CSPG4: variants seen among roughly 807,000 people sequenced by gnomAD.
CSPG4 encodes the protein chondroitin sulfate proteoglycan 4.
CSPG4 carries 74 observed loss-of-function variants against 139.3 expected under a neutral mutation model. The observed-to-expected ratio is 0.53, with a 90% CI of 0.44 to 0.64. CSPG4 has a LOEUF of 0.64. Ranked by LOEUF, CSPG4 falls within the 30% of genes least tolerant of loss-of-function variation. The pLI is 0.00. For synonymous variants in CSPG4, 1,234 were observed against 1,394.2 expected (o/e 0.89, Z 2.56); for missense variants, 2,565 against 3,148.3 (o/e 0.81, Z 4.43).
chr15:75,675,578 G>A lies in CSPG4; in HGVS notation c.6941C>T (p.Ala2314Val), dbSNP rs749456642. The change falls in exon 10 of 10, where the codon GCC becomes GTC. Residue 2314 changes from alanine (A) to valine (V), a missense_variant. Physicochemically the swap from Ala to Val is moderately conservative, Grantham distance 64. Coordinates refer to ENST00000308508, the MANE Select transcript of CSPG4 (RefSeq NM_001897.5). ...LLQFCRTPNPALKNGQYWV is the reference protein window; with the variant it reads ...LLQFCRTPNPVLKNGQYWV Reference sequence around the variant, plus strand: ...CACCCAGTACTGGCCATTCTTAAGGGCAGGGTTGGGTGTCCGGCAGAACTG... The same window carrying A: ...CACCCAGTACTGGCCATTCTTAAGGACAGGGTTGGGTGTCCGGCAGAACTG... 1 of 1,510,352 alleles carries A rather than the reference G, an allele frequency of 6.6e-7. No individual in the cohort carries two copies. Among genetic ancestry groups the A allele is most frequent in the East Asian group, 2.3e-5 (1 of 43,728 alleles). The allele number at this position is 1,510,352 out of a possible 1,614,324, so 93.6% of individuals were successfully genotyped here.
intron 1 of CSPG4, among the ~76,000 whole-genome samples, chr15:75,697,640 G>A (rs1183566022): frequency 6.6e-6 from 1 of 152,230 alleles, no homozygotes; most frequent in Non-Finnish European, 1.5e-5. Flanking sequence ...CCACAGCCAG[G>A]CTGCGTCATG....
Position 75,675,471 on chromosome 15 carries a change from C to T in CSPG4, c.*79G>A. The T allele has an allele frequency of 2.2e-6, 3 of 1,381,482 alleles. No homozygotes were observed. The highest frequency in any genetic ancestry group is 2.8e-6 in the Non-Finnish European group (3 of 1,058,220). 85.6% of individuals were successfully genotyped at this position (1,381,482 alleles called of 1,614,324 possible). On this transcript the variant is annotated 3_prime_UTR_variant, in exon 10 of 10. Transcript: ENST00000308508. ...TTGCTCTGGGGATACTCAGACAGCA[C>T]CAGGCATGGAAGCAATGGGGCCCGG...
In CSPG4 at chr15:75,698,425, C is replaced by T. The variant is rs1463324963; in HGVS notation, c.89-5192G>A. On this transcript the variant is annotated intron_variant, in intron 1 of 9. Coordinates refer to ENST00000308508, the MANE Select transcript of CSPG4 (RefSeq NM_001897.5). The surrounding 1 kb of genome is among the most constrained non-coding windows in gnomAD (Gnocchi z 4.3). ...CAGCAGCGGACCCTCCCTGAGGTCA[C>T]CTGGCCCTCTAGACCTCAGGTCAGT... Among the ~76,000 whole-genome samples the T allele has an allele frequency of 6.6e-6, 1 of 151,890 alleles. No individual in the cohort carries two copies. Among genetic ancestry groups the T allele is most frequent in the Non-Finnish European group, 1.5e-5 (1 of 67,956 alleles).
chr15:75,687,144 C>T lies in CSPG4; in HGVS notation c.3789+132G>A, dbSNP rs1894070496. 1.2e-5 allele frequency: 13 copies of T among 1,053,388 alleles called. No individual in the cohort carries two copies. The highest frequency in any genetic ancestry group is 1.8e-5 in the Non-Finnish European group (13 of 702,988). The allele number at this position is 1,053,388 out of a possible 1,614,324, so 65.3% of individuals were successfully genotyped here. On this transcript the variant is annotated intron_variant, in intron 3 of 9. Coordinates refer to ENST00000308508, the MANE Select transcript of CSPG4 (RefSeq NM_001897.5). This position sits in a 1 kb window ranked among gnomAD's most constrained non-coding sequence, Gnocchi z 5.4. ...GAGCACAACATATACGGGAGCACAT[C>T]TGAGGCACGTGCACACATGTAACCT...
At chr15:75,679,335 G>T (rs8034760) in intron 8 of CSPG4, 72,348 of 152,194 alleles carry the variant, frequency 0.48, 17,984 homozygotes, top group Middle Eastern at 0.6. Context: ...TCAAACCACC[G>T]CATCTCTCAC....
Position 75,689,647 on chromosome 15 carries a change from G to C in CSPG4, c.1418C>G (p.Thr473Ser). 1 of 1,612,918 alleles carries C rather than the reference G, an allele frequency of 6.2e-7. No homozygotes were observed. Among genetic ancestry groups the C allele is most frequent in the African/African-American group, 1.3e-5 (1 of 75,070 alleles). ...GAGCTCGCCATGGCGTGCCCCTCGG[G>C]TCACGCTGAACAGCACCTGGGATTT... is the stretch of plus-strand genomic sequence containing the variant. ...LRKSQVLFSV[T>S]RGARHGELEL... Residue 473 changes from threonine to serine, a missense_variant, in exon 3 of 10, where the codon ACC (threonine) becomes AGC (serine). This residue lies in a region of CSPG4 where 2,316 missense variants were observed against 2,818.2 expected (regional missense o/e 0.82). Coordinates refer to ENST00000308508, the MANE Select transcript of CSPG4 (RefSeq NM_001897.5).
chr15:75,683,318 C>T (rs1894005511), intron 5 of CSPG4, among the ~76,000 whole-genome samples: 1 of 152,140 alleles, frequency 6.6e-6, no homozygotes, highest in African/African-American at 2.4e-5. Context: ...AGCTTATGTC[C>T]CCTACCCAGG....
Position 75,683,025 on chromosome 15 carries a change from G to C in CSPG4, c.4466C>G (p.Thr1489Ser). Reference sequence around the variant, plus strand: ...CAGAGCCTCCGCAGGGATGGGCGCAGTGGCCCCCTCCCACATCTGGGAACA... The same window carrying C: ...CAGAGCCTCCGCAGGGATGGGCGCACTGGCCCCCTCCCACATCTGGGAACA... ...NTGLQMWEGA[T>S]APIPAEALRS... Residue 1489 changes from threonine to serine, a missense_variant, in exon 6 of 10, where the codon ACT becomes AGT. Transcript: ENST00000308508. 1 of 1,610,372 alleles carries C rather than the reference G, an allele frequency of 6.2e-7. No homozygotes were observed. The highest frequency in any genetic ancestry group is 8.5e-7 in the Non-Finnish European group (1 of 1,179,582).
chr15:75,701,682 C>T (rs1219211856), intron 1 of CSPG4, among the ~76,000 whole-genome samples: 3 of 152,190 alleles, frequency 2.0e-5, no homozygotes, highest in Non-Finnish European at 4.4e-5. Flanking sequence ...CACCACGTCT[C>T]TCTCACTGGC....
Position 75,689,690 on chromosome 15 carries a change from T to C in CSPG4, c.1375A>G (p.Met459Val). The change falls in exon 3 of 10, where the codon ATG becomes GTG. Residue 459 changes from methionine (M) to valine (V), a missense_variant. By Grantham distance (21) the Met-to-Val change is conservative. This residue lies in a region of CSPG4 where 2,316 missense variants were observed against 2,818.2 expected (regional missense o/e 0.82). Coordinates refer to ENST00000308508, the MANE Select transcript of CSPG4 (RefSeq NM_001897.5). ...WRHVQPTLDL[M>V]EAELRKSQVL... ...TGGGATTTGCGCAGCTCAGCCTCCA[T>C]CAGGTCCAGCGTGGGCTGCACATGC... 1 of 1,612,798 alleles carries C rather than the reference T, an allele frequency of 6.2e-7. No individual in the cohort carries two copies. The highest frequency in any genetic ancestry group is 8.5e-7 in the Non-Finnish European group (1 of 1,179,844).
chr15:75,691,271 C>T (rs1894162517), intron 2 of CSPG4, among the ~76,000 whole-genome samples: 1 of 152,206 alleles, frequency 6.6e-6, no homozygotes, highest in African/African-American at 2.4e-5. Context: ...CTCCTCTTGC[C>T]GTCCTGCCAT....
At position 75,674,670 on chromosome 15, in the gene CSPG4, G is replaced by A. The variant is rs957589881; in HGVS notation, c.*880C>T. ...TTATCCAGGCTCCATGGAACCAAGT[G>A]CCCCCAGCTGCCTGCCCTAGTCCTC... On this transcript the variant is annotated 3_prime_UTR_variant, in exon 10 of 10. Transcript: ENST00000308508. The A allele has an allele frequency of 7.5e-6, 3 of 398,928 alleles. No individual in the cohort carries two copies. Among genetic ancestry groups the A allele is most frequent in the African/African-American group, 2.1e-5 (1 of 48,636 alleles). The allele number at this position is 398,928 out of a possible 1,614,324, so 24.7% of individuals were successfully genotyped here.
At chr15:75,706,116 T>C (rs1249696711) in intron 1 of CSPG4, among the ~76,000 whole-genome samples, 1 of 152,102 alleles carries the variant, frequency 6.6e-6, no homozygotes, top group East Asian at 1.9e-4. Context: ...GAAGCGGGTG[T>C]CGTGGGAATC....
chr15:75,687,761 A>C lies in CSPG4; in HGVS notation c.3304T>G (p.Trp1102Gly). The change falls in exon 3 of 10, where the codon TGG becomes GGG. Residue 1102 changes from tryptophan to glycine, a missense_variant. Transcript: ENST00000308508. The surrounding 1 kb of genome is among the most constrained non-coding windows in gnomAD (Gnocchi z 5.4). ...CCGTCGGACACCTGCAGCTGGATCC[A>C]GCCACGGTCAGCCCCTGAGTGCACG... ...LFVHSGADRGWIQLQVSDGQH... is the reference protein window; with the variant it reads ...LFVHSGADRGGIQLQVSDGQH... 6.2e-7 allele frequency: 1 copy of C among 1,612,938 alleles called. No homozygotes were observed. The highest frequency in any genetic ancestry group is 8.5e-7 in the Non-Finnish European group (1 of 1,180,008).
In CSPG4 at chr15:75,676,673, G is replaced by C. The variant is rs1367048389; in HGVS notation, c.5846C>G (p.Pro1949Arg). The change falls in exon 10 of 10, where the codon CCC (proline) becomes CGC (arginine). Residue 1949 changes from proline (P) to arginine (R), a missense_variant. Pro to Arg is a moderately radical substitution (Grantham distance 103). Transcript: ENST00000308508. ...CCCCAAAGCTTGGGGCACCTCCAGGGGTGCCCGCAGCTGCACCTCGATGGC... is the reference window on the plus strand; with the variant it reads ...CCCCAAAGCTTGGGGCACCTCCAGGCGTGCCCGCAGCTGCACCTCGATGGC... ...PSAIEVQLRA[P>R]LEVPQALGRS... 6.3e-7 allele frequency: 1 copy of C among 1,594,512 alleles called. No homozygotes were observed. The highest frequency in any genetic ancestry group is 1.7e-5 in the Admixed American group (1 of 58,634).
At position 75,689,828 on chromosome 15, in the gene CSPG4, C is replaced by G; in HGVS notation, c.1237G>C (p.Glu413Gln). 1 of 1,612,698 alleles carries G rather than the reference C, an allele frequency of 6.2e-7. No individual in the cohort carries two copies. Residue 413 changes from glutamate to glutamine, a missense_variant, in exon 3 of 10, where the codon GAG (glutamate) becomes CAG (glutamine). This residue lies in a region of CSPG4 where 2,316 missense variants were observed against 2,818.2 expected (regional missense o/e 0.82). Transcript: ENST00000308508. ...PEAWPAMELP[E>Q]PCVPEPGLPP... The stretch of plus-strand genomic sequence containing the variant: ...AGCCCTGGCTCAGGCACGCATGGCT[C>G]AGGCAGCTCCATGGCTGGCCAAGCC...
At chr15:75,691,884 A>T (rs1408243872) in intron 2 of CSPG4, among the ~76,000 whole-genome samples, 1 of 152,206 alleles carries the variant, frequency 6.6e-6, no homozygotes, top group Non-Finnish European at 1.5e-5. Context: ...GACAGCCATC[A>T]GCACCAGCCT....
rs544987846 is a variant in CSPG4 at position 75,696,431 on chromosome 15, T to C, written c.89-3198A>G. Among the ~76,000 whole-genome samples the C allele has an allele frequency of 8.6e-5, 13 of 151,922 alleles. No individual in the cohort carries two copies. Among genetic ancestry groups the C allele is most frequent in the Non-Finnish European group, 1.8e-4 (12 of 67,970 alleles). On this transcript the variant is annotated intron_variant, in intron 1 of 9. Transcript: ENST00000308508. This position sits in a 1 kb window ranked among gnomAD's most constrained non-coding sequence, Gnocchi z 4.2. ...GCGTCCAGGGCTGTATATTAATAGATGTGTATTTGTGTGTGCGCAAGCATG... is the reference window on the plus strand; with the variant it reads ...GCGTCCAGGGCTGTATATTAATAGACGTGTATTTGTGTGTGCGCAAGCATG...
At chr15:75,678,026 A>C (rs1893918444) in intron 8 of CSPG4, 140 bp from the exon 9 acceptor site, 1 of 716,554 alleles carries the variant, frequency 1.4e-6, no homozygotes, top group East Asian at 3.1e-5. Flanking sequence ...TGTCTCCCTC[A>C]CTAACTCACT....
Sources: gnomAD v4.1 joint callset for allele counts (sites outside exome capture counted in the v4.1 genomes callset) on GRCh38, gnomAD v4.1.1 for gene constraint, gnomAD v4.1.1 regional missense constraint, Gnocchi (gnomAD v3.1) non-coding constraint, MANE v1.5 for transcripts, NCBI Gene and HGNC (gene_info 2026-07-23, HGNC 2026-07-21) for gene names.